TP53BP1: variants seen among roughly 807,000 people sequenced by gnomAD.
TP53BP1 encodes TP53-binding protein 1.
Under a neutral mutation model 200.8 loss-of-function variants are expected in TP53BP1, and 61 were observed. The ratio of observed to expected loss-of-function variants is 0.30; its 90% CI spans 0.25 to 0.38. TP53BP1 has a LOEUF of 0.38. TP53BP1 is among the 10% of genes least tolerant of loss of function. TP53BP1 has a pLI of 1.00. For synonymous variants in TP53BP1, 822 were observed against 844.3 expected (o/e 0.97, Z 0.46); for missense variants, 2,144 against 2,371.9 (o/e 0.90, Z 2.00).
intron 1 of TP53BP1, among the ~76,000 whole-genome samples, chr15:43,492,739 C>G (rs1248810426): frequency 6.6e-6 from 1 of 151,538 alleles, no homozygotes; most frequent in South Asian, 2.1e-4. Flanking sequence ...TTCCTAACCT[C>G]TTCTCTCCCC....
At chr15:43,490,120 C>T (rs544627621) in intron 4 of TP53BP1, among the ~76,000 whole-genome samples, 3 of 151,982 alleles carry the variant, frequency 2.0e-5, no homozygotes, top group South Asian at 2.1e-4. Flanking sequence ...GACAGAGTCT[C>T]GCTCTGTCAC....
chr15:43,432,700 A>C, intron 16 of TP53BP1, 23 bp from the exon 17 acceptor site: 2 of 1,581,894 alleles, frequency 1.3e-6, no homozygotes, highest in Non-Finnish European at 1.7e-6. Context: ...CATATAAAGA[A>C]GCCATGTCAA....
intron 1 of TP53BP1, among the ~76,000 whole-genome samples, chr15:43,502,819 G>C (rs552718532): frequency 2.1e-4 from 32 of 151,552 alleles, no homozygotes; most frequent in African/African-American, 7.5e-4. Flanking sequence ...GTGATGGCAT[G>C]ATCTCAGCTC....
rs138398416 is a variant in TP53BP1, at chr15:43,409,657, T to A, written c.5390A>T (p.Asn1797Ile). 6.5e-7 allele frequency: 1 copy of A among 1,546,528 alleles called. No individual in the cohort carries two copies. Among genetic ancestry groups the A allele is most frequent in the Non-Finnish European group, 8.7e-7 (1 of 1,146,484 alleles). ...AGAGYILEDF[N>I]EAQCNTAYQC... ...AAAGAAACTCCTCACCTGGGCTTCATTGAAATCTTCAAGGATATAGCCAGC... is the reference window on the plus strand; with the variant it reads ...AAAGAAACTCCTCACCTGGGCTTCAATGAAATCTTCAAGGATATAGCCAGC... Residue 1797 changes from asparagine to isoleucine, a missense_variant, in exon 25 of 28, where the codon AAT becomes ATT. Asn to Ile is a moderately radical substitution (Grantham distance 149). Coordinates refer to ENST00000382044, the MANE Select transcript of TP53BP1 (RefSeq NM_001141980.3).
At chr15:43,444,853 C>A (rs2046005905) in intron 14 of TP53BP1, among the ~76,000 whole-genome samples, 1 of 152,202 alleles carries the variant, frequency 6.6e-6, no homozygotes, top group African/African-American at 2.4e-5. Context: ...CTGTTTCCCC[C>A]AATTCCCTCG....
At chr15:43,457,344 A>G (rs2046324862) in intron 11 of TP53BP1, 126 bp from the exon 12 acceptor site, 1 of 907,832 alleles carries the variant, frequency 1.1e-6, no homozygotes, top group African/African-American at 1.7e-5. Flanking sequence ...AATTCATATA[A>G]AATTTCTAAA....
intron 9 of TP53BP1, among the ~76,000 whole-genome samples, chr15:43,475,027 G>A (rs762675810): frequency 6.6e-6 from 1 of 152,042 alleles, no homozygotes; most frequent in Non-Finnish European, 1.5e-5. Context: ...TCAGACACAA[G>A]GACATCATGA....
At chr15:43,473,000 G>T (rs2140100877) in intron 10 of TP53BP1, among the ~76,000 whole-genome samples, 1 of 152,250 alleles carries the variant, frequency 6.6e-6, no homozygotes, top group East Asian at 1.9e-4. Flanking sequence ...CCTTCTGGTG[G>T]GTTCGTGGTC....
chr15:43,490,452 G>T (rs1409459073), intron 4 of TP53BP1, among the ~76,000 whole-genome samples: 2 of 151,184 alleles, frequency 1.3e-5, no homozygotes, highest in African/African-American at 4.9e-5. Context: ...TCAAACTCCT[G>T]GGCTCAAGTG....
chr15:43,509,868 C>CA (rs993720223), intron 1 of TP53BP1, among the ~76,000 whole-genome samples: 42 of 151,698 alleles, frequency 2.8e-4, no homozygotes, highest in Admixed American at 1.0e-3. Context: ...CAAAACAAAA[C>CA]AAAAAAACAA....
chr15:43,436,901 T>C (rs1486823054), intron 16 of TP53BP1, among the ~76,000 whole-genome samples: 1 of 151,842 alleles, frequency 6.6e-6, no homozygotes, highest in East Asian at 1.9e-4. Flanking sequence ...GTTGCTCATA[T>C]CTGTAATTCT....
chr15:43,449,042 G>C (rs1422714719), intron 12 of TP53BP1, among the ~76,000 whole-genome samples: 2 of 130,568 alleles, frequency 1.5e-5, no homozygotes, highest in Non-Finnish European at 3.0e-5. Context: ...CAGGAGAACT[G>C]CTTGAACCTG....
intron 4 of TP53BP1, among the ~76,000 whole-genome samples, chr15:43,489,518 G>C (rs1379933987): frequency 6.6e-6 from 1 of 152,186 alleles, no homozygotes; most frequent in Non-Finnish European, 1.5e-5. Flanking sequence ...AAGAACAAAA[G>C]CACAAGCACT....
At chr15:43,461,909 A>G (rs1235643871) in intron 11 of TP53BP1, among the ~76,000 whole-genome samples, 1 of 151,566 alleles carries the variant, frequency 6.6e-6, no homozygotes, top group African/African-American at 2.4e-5. Flanking sequence ...ACCTCAAGTG[A>G]TTGGTCTGCC....
rs2046313454 is a variant in TP53BP1 at position 43,456,964 on chromosome 15, T to C, written c.1644A>G (p.Thr548=). The change falls in exon 12 of 28, where the codon ACA becomes ACG. Residue 548 remains threonine, a synonymous_variant. Coordinates refer to ENST00000382044, the MANE Select transcript of TP53BP1 (RefSeq NM_001141980.3). ...ACATGGGTTCCGTATCCTCAATCTG[T>C]GTGTTTTCTCCATCTTCATCAATTC... The part of the protein sequence containing the change: ...SHRIDEDGEN[T]QIEDTEPMSP... The C allele has an allele frequency of 1.2e-6, 2 of 1,614,210 alleles. No individual in the cohort carries two copies. Among genetic ancestry groups the C allele is most frequent in the South Asian group, 2.2e-5 (2 of 91,088 alleles).
At chr15:43,495,613 C>T (rs1458258068), upstream of TP53BP1, among the ~76,000 whole-genome samples, 1 of 151,638 alleles carries the variant, frequency 6.6e-6, no homozygotes, top group Non-Finnish European at 1.5e-5. Flanking sequence ...GTCAGGAGAT[C>T]GAGACCATCC....
At chr15:43,479,021 A>G (rs2078923660) in intron 7 of TP53BP1, among the ~76,000 whole-genome samples, 1 of 152,200 alleles carries the variant, frequency 6.6e-6, no homozygotes, top group Admixed American at 6.5e-5. Flanking sequence ...GACCAGCTTG[A>G]GCAACATAGC....
At chr15:43,438,728 CAAAAAAAAA>C (rs397699362) in intron 15 of TP53BP1, among the ~76,000 whole-genome samples, 12 of 21,654 alleles carry the variant, frequency 5.5e-4, no homozygotes, top group Admixed American at 3.2e-3. Flanking sequence ...AAGCAAGAGG[CAAAAAAAAA>C]AAAAAAAAAA....
chr15:43,442,541 A>G (rs2045949710), intron 14 of TP53BP1, among the ~76,000 whole-genome samples: 1 of 151,724 alleles, frequency 6.6e-6, no homozygotes, highest in Non-Finnish European at 1.5e-5. Flanking sequence ...TCCGTTGCCC[A>G]GGCTAGAGTG....
Sources: allele counts gnomAD v4.1 joint callset (sites outside exome capture counted in the v4.1 genomes callset), GRCh38; gene constraint gnomAD v4.1.1; transcripts MANE v1.5; gene names NCBI Gene and HGNC (gene_info 2026-07-23, HGNC 2026-07-21).